KCNMA1: variants seen among roughly 807,000 people sequenced by gnomAD.
The protein encoded by KCNMA1 is Calcium-activated potassium channel subunit alpha-1.
In KCNMA1, 29 loss-of-function variants were observed where a neutral mutation model predicts 140.0. The observed-to-expected ratio is 0.21, with a 90% CI of 0.15 to 0.28. The LOEUF (loss-of-function observed/expected upper bound fraction) is 0.28. Ranked by LOEUF, KCNMA1 falls within the 10% of genes least tolerant of loss-of-function variation. The probability of loss-of-function intolerance (pLI) is 1.00; values close to 1 mark genes in which losing one functional copy is unlikely to be tolerated. For synonymous variants in KCNMA1, 612 were observed against 611.9 expected (o/e 1.00, Z 0.00); for missense variants, 880 against 1,602.2 (o/e 0.55, Z 7.70).
chr10:77,170,168 G>T (rs920443950), intron 5 of KCNMA1, among the ~76,000 whole-genome samples: 6 of 152,092 alleles, frequency 3.9e-5, no homozygotes, highest in Non-Finnish European at 5.9e-5. Flanking sequence ...TCCAGCCTGG[G>T]CAACAATGCA....
intron 23 of KCNMA1, among the ~76,000 whole-genome samples, chr10:76,941,685 T>G (rs1480152649): frequency 2.6e-5 from 4 of 152,184 alleles, no homozygotes; most frequent in Non-Finnish European, 2.9e-5. Context: ...TCTCCACTGC[T>G]GACCAGGGGT....
intron 26 of KCNMA1, among the ~76,000 whole-genome samples, chr10:76,890,435 A>G (rs2039470667): frequency 6.6e-6 from 1 of 152,156 alleles, no homozygotes; most frequent in Admixed American, 6.5e-5. Flanking sequence ...AAATCTTACC[A>G]TTATCTAAAG....
At chr10:77,285,752 C>G (rs1371086475) in intron 2 of KCNMA1, among the ~76,000 whole-genome samples, 1 of 152,188 alleles carries the variant, frequency 6.6e-6, no homozygotes, top group South Asian at 2.1e-4. Context: ...TCAAATGCTG[C>G]CTCTGCCCCT....
intron 2 of KCNMA1, among the ~76,000 whole-genome samples, chr10:77,257,222 T>C (rs777439960): frequency 6.6e-6 from 1 of 152,266 alleles, no homozygotes; most frequent in African/African-American, 2.4e-5. Context: ...ATAATGTTTT[T>C]GTCCTGGTGA....
chr10:77,056,241 G>A (rs1480686591), intron 14 of KCNMA1, among the ~76,000 whole-genome samples: 2 of 152,066 alleles, frequency 1.3e-5, no homozygotes, highest in South Asian at 2.1e-4. Context: ...TTAGCCAGGC[G>A]TGGTGGTGGG....
At chr10:77,313,389 A>G (rs2079875795) in intron 2 of KCNMA1, among the ~76,000 whole-genome samples, 1 of 152,206 alleles carries the variant, frequency 6.6e-6, no homozygotes, top group Non-Finnish European at 1.5e-5. Flanking sequence ...TAAGCCACTC[A>G]CGACAGAGTC....
At chr10:77,608,009 T>A (rs1232946515) in intron 1 of KCNMA1, among the ~76,000 whole-genome samples, 2 of 152,072 alleles carry the variant, frequency 1.3e-5, no homozygotes, top group African/African-American at 4.8e-5. Context: ...TTTCCTAGGG[T>A]CCCTGTGGCC....
downstream of KCNMA1, chr10:76,875,864 G>T (rs2032286555): frequency 6.6e-6 from 1 of 152,610 alleles, no homozygotes; most frequent in Non-Finnish European, 1.5e-5. Context: ...AATATAGACT[G>T]TTGACATCAT....
intron 1 of KCNMA1, among the ~76,000 whole-genome samples, chr10:77,633,806 A>G (rs2154571515): frequency 6.6e-6 from 1 of 152,288 alleles, no homozygotes; most frequent in South Asian, 2.1e-4. Context: ...CAGGCCCCTC[A>G]ACAAACCACA....
intron 5 of KCNMA1, among the ~76,000 whole-genome samples, chr10:77,160,864 C>T (rs570308784): frequency 5.9e-5 from 9 of 152,328 alleles, no homozygotes; most frequent in African/African-American, 2.2e-4. Context: ...TGGCACTGAG[C>T]TTCCTTTCAA....
chr10:77,375,567 C>G lies in KCNMA1; in HGVS notation c.540+28295G>C, dbSNP rs71475652. Reference sequence around the variant, plus strand: ...AGTCAGGGCAACAGCACTGCAAGCACTTCATGGACAGAGACCAAGCCTTTC... The same window carrying G: ...AGTCAGGGCAACAGCACTGCAAGCAGTTCATGGACAGAGACCAAGCCTTTC... On this transcript the variant is annotated intron_variant, in intron 2 of 27. Coordinates refer to ENST00000286628, the MANE Select transcript of KCNMA1 (RefSeq NM_001161352.2). Among the ~76,000 whole-genome samples, 1,399 of 152,344 alleles carry G rather than the reference C, an allele frequency of 9.2e-3. 13 individuals are homozygous for G. The highest frequency in any genetic ancestry group is 0.014 in the Non-Finnish European group (946 of 68,026).
intron 23 of KCNMA1, among the ~76,000 whole-genome samples, chr10:76,941,057 A>AAGAAAGAAAGAAAGAGAG: frequency 1.1e-5 from 1 of 89,214 alleles, no homozygotes; most frequent in South Asian, 3.1e-4. Context: ...AAGAAAGAGA[A>AAGAAAGAAAGAAAGAGAG]AGAAAGAAAG....
At chr10:77,430,590 G>A (rs144438013) in intron 1 of KCNMA1, among the ~76,000 whole-genome samples, 4 of 152,264 alleles carry the variant, frequency 2.6e-5, no homozygotes, top group Non-Finnish European at 5.9e-5. Context: ...TAGGAACAAC[G>A]CCTAGTGAAA....
At chr10:77,350,875 G>C (rs570342620) in intron 2 of KCNMA1, 2 of 152,198 alleles carry the variant, frequency 1.3e-5, no homozygotes, top group African/African-American at 2.4e-5. Context: ...ATTGCTCACC[G>C]GTGACTCAGT....
At chr10:77,437,291 A>G (rs917396606) in intron 1 of KCNMA1, among the ~76,000 whole-genome samples, 3 of 152,128 alleles carry the variant, frequency 2.0e-5, no homozygotes, top group African/African-American at 7.2e-5. Context: ...AGACAGGGAG[A>G]AAAAGGAAGG....
chr10:77,331,649 T>A (rs1602843145), intron 2 of KCNMA1, among the ~76,000 whole-genome samples: 2 of 148,348 alleles, frequency 1.3e-5, no homozygotes, highest in Non-Finnish European at 3.0e-5. Context: ...ACAAAACCTT[T>A]AAAAAAAAAA....
chr10:77,209,622 G>A (rs2154171437), intron 3 of KCNMA1, among the ~76,000 whole-genome samples: 1 of 152,160 alleles, frequency 6.6e-6, no homozygotes, highest in Non-Finnish European at 1.5e-5. Context: ...GAAACCAAGA[G>A]TTGGCTCTTC....
At chr10:77,315,348 G>C (rs959783807) in intron 2 of KCNMA1, 5 of 152,206 alleles carry the variant, frequency 3.3e-5, no homozygotes, top group African/African-American at 1.2e-4. Context: ...AGAAAAGACA[G>C]TGTGAGTCTC....
chr10:77,215,915 C>G (rs922361533), intron 3 of KCNMA1, among the ~76,000 whole-genome samples: 1 of 151,464 alleles, frequency 6.6e-6, no homozygotes, highest in Non-Finnish European at 1.5e-5. Context: ...TCCTCTCTCT[C>G]TCTCTCTCTC....
Sources: allele counts gnomAD v4.1 joint callset (sites outside exome capture counted in the v4.1 genomes callset), GRCh38; gene constraint gnomAD v4.1.1; transcripts MANE v1.5; gene names NCBI Gene and HGNC (gene_info 2026-07-23, HGNC 2026-07-21).